The following KIF16B variants were observed in gnomAD, a reference collection of about 807,000 sequenced individuals.
KIF16B encodes the protein kinesin family member 16B.
Under a neutral mutation model 156.3 loss-of-function variants are expected in KIF16B, and 98 were observed. The ratio of observed to expected loss-of-function variants is 0.63; its 90% CI spans 0.53 to 0.74. KIF16B has a LOEUF of 0.74. Among genes scored for constraint, KIF16B ranks in the 30% least tolerant of loss-of-function variants. KIF16B has a pLI of 0.00. For synonymous variants in KIF16B, 564 were observed against 583.7 expected, an observed-to-expected ratio of 0.97 and a Z score of 0.49; for missense variants, 1,421 against 1,606.5, an observed-to-expected ratio of 0.88 and a Z score of 1.97.
At chr20:16,275,641 C>T (rs1196541537) in intron 25 of KIF16B, among the ~76,000 whole-genome samples, 1 of 152,194 alleles carries the variant, frequency 6.6e-6, no homozygotes, top group African/African-American at 2.4e-5. Context: ...ATATCCCTAA[C>T]TTACTGGTCT....
At position 16,273,135 on chromosome 20, in the gene KIF16B, A is replaced by G; in HGVS notation, c.*118T>C. ...TGAGGTGGCCCGGGCCCGCTGCTGC[A>G]TGTCTGTCTTCAGCAGGAGGAGGCA... is the stretch of plus-strand genomic sequence containing the variant. On this transcript the variant is annotated 3_prime_UTR_variant, in exon 26 of 26. Transcript: ENST00000354981. 1.2e-6 allele frequency: 1 copy of G among 842,172 alleles called. No individual in the cohort carries two copies. Among genetic ancestry groups the G allele is most frequent in the Non-Finnish European group, 2.0e-6 (1 of 512,262 alleles). 52.2% of individuals were successfully genotyped at this position (842,172 alleles called of 1,614,324 possible). A position where few individuals can be genotyped will look rare whatever the true frequency, so the allele number is the denominator to read the frequency against.
chr20:16,401,671 T>C (rs1568938397), intron 17 of KIF16B, among the ~76,000 whole-genome samples: 2 of 152,214 alleles, frequency 1.3e-5, no homozygotes, highest in East Asian at 3.9e-4. Context: ...CTTACTCGAC[T>C]GCTAGCCCAG....
chr20:16,346,678 T>C (rs1313897569), intron 23 of KIF16B, among the ~76,000 whole-genome samples: 2 of 152,208 alleles, frequency 1.3e-5, no homozygotes, highest in African/African-American at 4.8e-5. Context: ...TCAGTATACT[T>C]ACCTCACAGG....
intron 23 of KIF16B, among the ~76,000 whole-genome samples, chr20:16,355,366 C>A (rs1031124326): frequency 6.6e-6 from 1 of 152,208 alleles, no homozygotes; most frequent in African/African-American, 2.4e-5. Context: ...ACCACTGGTA[C>A]TTTCCAATTT....
chr20:16,289,370 T>A (rs1438307114), intron 25 of KIF16B, among the ~76,000 whole-genome samples: 1 of 152,176 alleles, frequency 6.6e-6, no homozygotes, highest in African/African-American at 2.4e-5. Context: ...AATATGTTAA[T>A]TTTCCCCTCT....
At chr20:16,392,295 A>G (rs1600275304) in intron 17 of KIF16B, among the ~76,000 whole-genome samples, 1 of 152,374 alleles carries the variant, frequency 6.6e-6, no homozygotes. Context: ...ATGGGATTCT[A>G]TAACATAGAT....
chr20:16,548,014 C>T (rs1474591004), intron 1 of KIF16B, among the ~76,000 whole-genome samples: 3 of 152,088 alleles, frequency 2.0e-5, no homozygotes, highest in Non-Finnish European at 4.4e-5. Context: ...AATCAGCGTC[C>T]TAATTCTTGT....
intron 12 of KIF16B, among the ~76,000 whole-genome samples, chr20:16,472,553 T>A (rs1600487121): frequency 3.5e-5 from 4 of 113,536 alleles, no homozygotes; most frequent in African/African-American, 6.8e-5. Flanking sequence ...CATCTGAAAT[T>A]AAAAAAAAAA....
intron 24 of KIF16B, among the ~76,000 whole-genome samples, chr20:16,328,921 A>G (rs144191233): frequency 1.5e-3 from 228 of 152,318 alleles, no homozygotes; most frequent in African/African-American, 5.3e-3. Context: ...TTGTAGGTTA[A>G]ATTTCAACAC....
chr20:16,515,524 T>C, intron 4 of KIF16B, 24 bp downstream of exon 4: 1 of 1,236,504 alleles, frequency 8.1e-7, no homozygotes, highest in Non-Finnish European at 1.2e-6. Flanking sequence ...GAAATTTCCT[T>C]CCCACACAGT....
At chr20:16,359,498 C>T (rs2064509102) in intron 22 of KIF16B, among the ~76,000 whole-genome samples, 1 of 152,122 alleles carries the variant, frequency 6.6e-6, no homozygotes, top group Admixed American at 6.5e-5. Context: ...CCAATTAAAC[C>T]TCTTTTCTTG....
chr20:16,560,265 T>C (rs1310511722), intron 1 of KIF16B, among the ~76,000 whole-genome samples: 1 of 152,154 alleles, frequency 6.6e-6, no homozygotes, highest in Non-Finnish European at 1.5e-5. Context: ...TTGATTGAAT[T>C]TGAGCTAGTC....
intron 3 of KIF16B, among the ~76,000 whole-genome samples, chr20:16,516,249 C>A (rs1485495955): frequency 6.6e-6 from 1 of 152,084 alleles, no homozygotes; most frequent in African/African-American, 2.4e-5. Context: ...GACATTTGCC[C>A]AGGATGGAGA....
intron 25 of KIF16B, among the ~76,000 whole-genome samples, chr20:16,303,157 T>C (rs2122618933): frequency 6.6e-6 from 1 of 152,338 alleles, no homozygotes; most frequent in South Asian, 2.1e-4. Context: ...ATATGAATTA[T>C]TTCATTAACC....
chr20:16,336,422 G>T (rs916164830), intron 23 of KIF16B, among the ~76,000 whole-genome samples: 2 of 152,128 alleles, frequency 1.3e-5, no homozygotes, highest in Non-Finnish European at 1.5e-5. Flanking sequence ...AATCAATTCA[G>T]CCTTTAATAG....
chr20:16,338,468 G>A (rs1287013958), intron 23 of KIF16B, among the ~76,000 whole-genome samples: 7 of 152,062 alleles, frequency 4.6e-5, no homozygotes, highest in Non-Finnish European at 8.8e-5. Context: ...TTGATCTCCT[G>A]CATGATTCTT....
At chr20:16,456,606 A>G (rs1320055675) in intron 12 of KIF16B, among the ~76,000 whole-genome samples, 2 of 152,188 alleles carry the variant, frequency 1.3e-5, no homozygotes, top group African/African-American at 4.8e-5. Context: ...AAAGGCTAAA[A>G]TATAAGTAAT....
At chr20:16,309,014 C>T (rs1453159033) in intron 25 of KIF16B, among the ~76,000 whole-genome samples, 1 of 152,196 alleles carries the variant, frequency 6.6e-6, no homozygotes, top group Non-Finnish European at 1.5e-5. Context: ...AAGCCTCTGA[C>T]TGACTGAGGG....
intron 25 of KIF16B, among the ~76,000 whole-genome samples, chr20:16,295,498 T>C (rs1341440117): frequency 1.3e-5 from 2 of 150,216 alleles, no homozygotes; most frequent in East Asian, 3.9e-4. Flanking sequence ...GTTATACTTA[T>C]AATTATATAT....
Sources: allele counts gnomAD v4.1 joint callset (sites outside exome capture counted in the v4.1 genomes callset), GRCh38; gene constraint gnomAD v4.1.1; transcripts MANE v1.5; gene names NCBI Gene and HGNC (gene_info 2026-07-23, HGNC 2026-07-21).